Variants in ABI1 observed in about 807,000 individuals in gnomAD.
ABI1 encodes the protein Abelson interactor 1.
Under a neutral mutation model 54.6 loss-of-function variants are expected in ABI1, and 14 were observed. That is an observed-to-expected ratio of 0.26 (90% CI 0.17 to 0.40). The LOEUF is 0.40. ABI1 is among the 10% of genes least tolerant of loss of function. ABI1 has a pLI of 1.00. For missense variants in ABI1, 443 were observed against 598.3 expected (o/e 0.74, Z 2.71); for synonymous variants, 194 against 209.3 (o/e 0.93, Z 0.63).
intron 1 of ABI1, among the ~76,000 whole-genome samples, chr10:26,834,548 AACAC>A (rs571268846): frequency 0.044 from 6,112 of 138,404 alleles, 253 homozygotes; most frequent in African/African-American, 0.11. Flanking sequence ...AGACATACAA[AACAC>A]ACACACACAC....
rs550690658 is a variant in ABI1 at position 26,768,843 on chromosome 10, A to C, written c.719+9T>G. 6.2e-7 allele frequency: 1 copy of C among 1,608,576 alleles called. No individual in the cohort carries two copies. Among genetic ancestry groups the C allele is most frequent in the African/African-American group, 1.3e-5 (1 of 74,674 alleles). ...TAGAGATGTTGAGATACTCAACCTA[A>C]AGGCTTACCTGTGTGTCCTTGGTCT... On this transcript the variant is annotated intron_variant, in intron 6 of 10. Coordinates refer to ENST00000376140, the MANE Select transcript of ABI1 (RefSeq NM_001012750.3).
chr10:26,765,111 C>A, intron 7 of ABI1, 107 bp downstream of exon 7: 1 of 805,110 alleles, frequency 1.2e-6, no homozygotes, highest in Non-Finnish European at 1.9e-6. Flanking sequence ...GCAACGATCA[C>A]AAATTTAATT....
chr10:26,846,483 C>G (rs560770874), intron 1 of ABI1, among the ~76,000 whole-genome samples: 5 of 152,036 alleles, frequency 3.3e-5, no homozygotes, highest in Non-Finnish European at 7.4e-5. Context: ...GCTGGGACTA[C>G]AGGCAAGCAC....
intron 6 of ABI1, 36 bp downstream of exon 6, chr10:26,768,816 T>C (rs1840297972): frequency 6.3e-7 from 1 of 1,590,944 alleles, no homozygotes; most frequent in Non-Finnish European, 8.6e-7. Context: ...TTACACCCAC[T>C]TTAGAGATGT....
chr10:26,795,136 T>A (rs1843980149), intron 2 of ABI1, among the ~76,000 whole-genome samples: 2 of 140,092 alleles, frequency 1.4e-5, no homozygotes, highest in African/African-American at 2.8e-5. Flanking sequence ...AGAGCGAGAC[T>A]GTCTCAAAAA....
At chr10:26,809,636 A>G (rs1232074831) in intron 2 of ABI1, among the ~76,000 whole-genome samples, 1 of 152,216 alleles carries the variant, frequency 6.6e-6, no homozygotes, top group Non-Finnish European at 1.5e-5. Context: ...AAAGGGGGGA[A>G]ATATTAGAAT....
chr10:26,793,532 T>C (rs958431843), intron 2 of ABI1, among the ~76,000 whole-genome samples: 1 of 152,208 alleles, frequency 6.6e-6, no homozygotes, highest in Non-Finnish European at 1.5e-5. Context: ...ACTGAATCTG[T>C]CACTAACATT....
chr10:26,842,954 G>A (rs901429637), intron 1 of ABI1, among the ~76,000 whole-genome samples: 5 of 152,138 alleles, frequency 3.3e-5, no homozygotes, highest in Admixed American at 3.3e-4. Context: ...TGAGGCAGGA[G>A]AACTGCTTGA....
intron 1 of ABI1, among the ~76,000 whole-genome samples, chr10:26,826,748 G>A (rs751949815): frequency 4.6e-5 from 7 of 152,272 alleles, no homozygotes; most frequent in Middle Eastern, 3.4e-3. Context: ...GCACTTTCAC[G>A]TTATAGAGAT....
At chr10:26,772,694 T>C (rs1840845378) in intron 3 of ABI1, among the ~76,000 whole-genome samples, 1 of 152,194 alleles carries the variant, frequency 6.6e-6, no homozygotes, top group Non-Finnish European at 1.5e-5. Context: ...CTCAAAATAC[T>C]AATATTTTTG....
chr10:26,830,531 G>C (rs2048596955), intron 1 of ABI1, among the ~76,000 whole-genome samples: 2 of 150,434 alleles, frequency 1.3e-5, no homozygotes, highest in African/African-American at 4.9e-5. Flanking sequence ...GAGGTGGGAG[G>C]ATCAGTTGGG....
chr10:26,807,184 T>C (rs775790175), intron 2 of ABI1, among the ~76,000 whole-genome samples: 12 of 152,126 alleles, frequency 7.9e-5, no homozygotes, highest in Non-Finnish European at 1.6e-4. Flanking sequence ...CAAAAAATGT[T>C]TACAGTAGGC....
At chr10:26,790,283 C>T (rs991030713) in intron 2 of ABI1, among the ~76,000 whole-genome samples, 10 of 152,166 alleles carry the variant, frequency 6.6e-5, no homozygotes, top group African/African-American at 2.2e-4. Flanking sequence ...TCCACAACCT[C>T]GCCAGCATCT....
At chr10:26,772,781 C>A (rs1840857325) in intron 3 of ABI1, among the ~76,000 whole-genome samples, 1 of 151,914 alleles carries the variant, frequency 6.6e-6, no homozygotes, top group South Asian at 2.1e-4. Context: ...TCCTTAAGAT[C>A]TCATTTCAGG....
At chr10:26,770,751 T>C (rs1840587492) in intron 4 of ABI1, among the ~76,000 whole-genome samples, 1 of 152,128 alleles carries the variant, frequency 6.6e-6, no homozygotes, top group South Asian at 2.1e-4. Flanking sequence ...AACAATTCAG[T>C]AACAAAGTCA....
intron 2 of ABI1, among the ~76,000 whole-genome samples, chr10:26,791,262 C>G (rs1843419870): frequency 6.6e-6 from 1 of 151,964 alleles, no homozygotes; most frequent in Non-Finnish European, 1.5e-5. Context: ...CCTAAAAGCT[C>G]TCTCCCCTAT....
rs1292253353 is a variant in ABI1, at chr10:26,770,287, T to C, written c.536A>G (p.Gln179Arg). Residue 179 changes from glutamine (Q) to arginine (R), a missense_variant, in exon 5 of 11, where the codon CAG (glutamine) becomes CGG (arginine). This residue lies in a region of ABI1 where 394 missense variants were observed against 484.8 expected (regional missense o/e 0.81). Transcript: ENST00000376140. ...TGACATGGGAGGACTTGGCGGTTTCTGAGTAGGAGGATTTGTTCTCGACAG... is the reference window on the plus strand; with the variant it reads ...TGACATGGGAGGACTTGGCGGTTTCCGAGTAGGAGGATTTGTTCTCGACAG... ...GTLSRTNPPT[Q>R]KPPSPPMSGR... 1 of 1,613,986 alleles carries C rather than the reference T, an allele frequency of 6.2e-7. No homozygotes were observed. Among genetic ancestry groups the C allele is most frequent in the Non-Finnish European group, 8.5e-7 (1 of 1,179,952 alleles).
At chr10:26,831,518 G>A (rs545909290) in intron 1 of ABI1, among the ~76,000 whole-genome samples, 4 of 152,102 alleles carry the variant, frequency 2.6e-5, no homozygotes, top group Non-Finnish European at 4.4e-5. Flanking sequence ...ACTCCAGCCT[G>A]GGCGACAAAG....
At chr10:26,839,666 A>AAT (rs35759617) in intron 1 of ABI1, 41,048 of 625,104 alleles carry the variant, frequency 0.066, 656 homozygotes, top group East Asian at 0.16. Context: ...AAAAAAAAAA[A>AAT]CATGCCAGGC....
Sources: allele counts gnomAD v4.1 joint callset (sites outside exome capture counted in the v4.1 genomes callset), GRCh38; gene constraint gnomAD v4.1.1; regional missense constraint gnomAD v4.1.1; transcripts MANE v1.5; gene names NCBI Gene and HGNC (gene_info 2026-07-23, HGNC 2026-07-21).